Variants in RASSF2 observed in about 807,000 individuals in gnomAD.
RASSF2 encodes ras association domain-containing protein 2.
A neutral mutation model predicts 46.3 loss-of-function variants in RASSF2; 34 were observed. The observed-to-expected ratio is 0.73, with a 90% CI of 0.56 to 0.98. The LOEUF is 0.98. Ranked by LOEUF, RASSF2 falls within the 50% of genes least tolerant of loss-of-function variation. The pLI is 0.00. For synonymous variants in RASSF2, 158 were observed against 162.5 expected, an observed-to-expected ratio of 0.97 and a Z score of 0.21; for missense variants, 364 against 431.2, an observed-to-expected ratio of 0.84 and a Z score of 1.38.
intron 2 of RASSF2, among the ~76,000 whole-genome samples, chr20:4,807,124 G>A (rs1363720389): frequency 1.3e-5 from 2 of 152,184 alleles, no homozygotes; most frequent in East Asian, 3.8e-4. Flanking sequence ...GTAAGCAGCA[G>A]TTCTAAATAG....
chr20:4,794,451 C>G (rs932187457), intron 5 of RASSF2, among the ~76,000 whole-genome samples: 1 of 152,058 alleles, frequency 6.6e-6, no homozygotes, highest in Non-Finnish European at 1.5e-5. Flanking sequence ...CACCTGTAAT[C>G]CCAGCTACTC....
At chr20:4,805,313 C>T (rs896914466) in intron 2 of RASSF2, among the ~76,000 whole-genome samples, 1 of 152,018 alleles carries the variant, frequency 6.6e-6, no homozygotes, top group African/African-American at 2.4e-5. Context: ...GAGAAGGCGA[C>T]GTGACAACTG....
intron 2 of RASSF2, among the ~76,000 whole-genome samples, chr20:4,821,077 A>C (rs1928658138): frequency 6.6e-6 from 1 of 152,090 alleles, no homozygotes; most frequent in Admixed American, 6.6e-5. Flanking sequence ...TAAGCAGCTC[A>C]CGTATGGAAC....
intron 2 of RASSF2, among the ~76,000 whole-genome samples, chr20:4,802,095 C>T (rs185954554): frequency 5.3e-5 from 8 of 151,760 alleles, no homozygotes; most frequent in East Asian, 1.9e-4. Context: ...TGGAGAGAAG[C>T]GATGTCACTT....
intron 3 of RASSF2, among the ~76,000 whole-genome samples, chr20:4,798,568 TAA>T (rs1926573843): frequency 6.6e-6 from 1 of 152,152 alleles, no homozygotes; most frequent in Non-Finnish European, 1.5e-5. Context: ...CTCATGCCTG[TAA>T]TCCCAGTACT....
At chr20:4,793,499 T>C (rs1483622983) in intron 5 of RASSF2, among the ~76,000 whole-genome samples, 1 of 152,184 alleles carries the variant, frequency 6.6e-6, no homozygotes, top group Non-Finnish European at 1.5e-5. Context: ...ATTTAACTCA[T>C]ATACTTCTGA....
chr20:4,816,870 G>A lies in RASSF2; in HGVS notation c.-33+5459C>T, dbSNP rs144296987. On this transcript the variant is annotated intron_variant, in intron 2 of 11. Transcript: ENST00000379400. Reference sequence around the variant, plus strand: ...TGTAATCCCAGCACTTTGGGAGGCCGAGGCGGGTGGATCACCTGAGGTCAG... The same window carrying A: ...TGTAATCCCAGCACTTTGGGAGGCCAAGGCGGGTGGATCACCTGAGGTCAG... Among the ~76,000 whole-genome samples the A allele has an allele frequency of 7.5e-4, 114 of 152,254 alleles. 2 individuals are homozygous for A. The highest frequency in any genetic ancestry group is 2.3e-3 in the African/African-American group (96 of 41,534).
At chr20:4,788,389 C>T in intron 8 of RASSF2, 121 bp from the exon 9 acceptor site, 1 of 830,042 alleles carries the variant, frequency 1.2e-6, no homozygotes, top group Non-Finnish European at 2.0e-6. Flanking sequence ...GAGGGGAGAG[C>T]TATTTATCTA....
At chr20:4,806,929 T>G (rs980515614) in intron 2 of RASSF2, among the ~76,000 whole-genome samples, 2 of 152,236 alleles carry the variant, frequency 1.3e-5, no homozygotes, top group African/African-American at 2.4e-5. Context: ...ATTTGGTAAT[T>G]TAGTTCTGCA....
chr20:4,800,379 A>C (rs963551669), intron 3 of RASSF2, among the ~76,000 whole-genome samples: 5 of 152,114 alleles, frequency 3.3e-5, no homozygotes, highest in Non-Finnish European at 7.4e-5. Context: ...CGGACCATAG[A>C]CTGGGTGGCT....
In RASSF2 at chr20:4,792,598, T is replaced by C. The variant is rs374943708; in HGVS notation, c.317A>G (p.Lys106Arg). 4.3e-6 allele frequency: 7 copies of C among 1,613,776 alleles called. No homozygotes were observed. The East Asian group carries it at 6.7e-5, about 15-fold the overall frequency. ...GTTLKPLTVP[K>R]VQISEVDAPP... ...GGCATCCACCTCTGAGATCTGAACT[T>C]TGGGCACAGTCAGGGGCTTCAGAGT... is the stretch of plus-strand genomic sequence containing the variant. Residue 106 changes from lysine to arginine, a missense_variant, in exon 6 of 12, where the codon AAA becomes AGA. Coordinates refer to ENST00000379400, the MANE Select transcript of RASSF2 (RefSeq NM_014737.3).
intron 8 of RASSF2, among the ~76,000 whole-genome samples, chr20:4,789,336 G>A (rs1357279119): frequency 6.6e-6 from 1 of 152,134 alleles, no homozygotes; most frequent in Non-Finnish European, 1.5e-5. Context: ...GTTAGACGGC[G>A]TCCCTGGCCT....
rs766138960 is a variant in RASSF2 at position 4,798,844 on chromosome 20, AC to A, written c.60-760del. On this transcript the variant is annotated intron_variant, in intron 3 of 11. Transcript: ENST00000379400. Reference sequence around the variant, plus strand: ...CCATCTCAAAAAAACAAACAAACAAACAAAAAAAAAAAAACTTGCAAACTCC... The same window carrying A: ...CCATCTCAAAAAAACAAACAAACAAAAAAAAAAAAAAAACTTGCAAACTCC... Among the ~76,000 whole-genome samples the A allele has an allele frequency of 7.5e-3, 843 of 112,186 alleles. 7 individuals are homozygous for A. The highest frequency in any genetic ancestry group is 0.028 in the African/African-American group (720 of 25,846). The allele number at this position is 112,186 out of a possible 152,430, so 73.6% of individuals were successfully genotyped here. A position where few individuals can be genotyped will look rare whatever the true frequency, so the allele number is the denominator to read the frequency against.
At chr20:4,808,182 G>A (rs886081262) in intron 2 of RASSF2, among the ~76,000 whole-genome samples, 3 of 152,166 alleles carry the variant, frequency 2.0e-5, no homozygotes, top group Admixed American at 6.5e-5. Context: ...GGATTCATTC[G>A]TTCAGCTGGC....
At chr20:4,785,126 A>T (rs1249493021) in intron 11 of RASSF2, among the ~76,000 whole-genome samples, 2 of 145,258 alleles carry the variant, frequency 1.4e-5, no homozygotes, top group African/African-American at 5.2e-5. Flanking sequence ...CCTGGCCAAC[A>T]TGGCAAAACC....
At chr20:4,798,154 T>G in intron 3 of RASSF2, 69 bp from the exon 4 acceptor site, 2 of 1,266,206 alleles carry the variant, frequency 1.6e-6, no homozygotes, top group Non-Finnish European at 2.2e-6. Flanking sequence ...TTGTTCCCTC[T>G]TTCTCTCACC....
chr20:4,815,291 A>T (rs1350418860), intron 2 of RASSF2, among the ~76,000 whole-genome samples: 1 of 152,140 alleles, frequency 6.6e-6, no homozygotes, highest in African/African-American at 2.4e-5. Context: ...CATGGCCCCG[A>T]CTGTACACAA....
chr20:4,789,786 G>A (rs1358054486), intron 7 of RASSF2, 89 bp from the exon 8 acceptor site: 5 of 1,119,588 alleles, frequency 4.5e-6, no homozygotes, highest in South Asian at 2.6e-5. Context: ...CAGTGACAAC[G>A]ATACTCAGAA....
chr20:4,795,800 T>C lies in RASSF2; in HGVS notation c.287+15A>G, dbSNP rs1926291803. On this transcript the variant is annotated intron_variant, in intron 5 of 11. Coordinates refer to ENST00000379400, the MANE Select transcript of RASSF2 (RefSeq NM_014737.3). The surrounding 1 kb of genome is among the most constrained non-coding windows in gnomAD (Gnocchi z 4.0). ...GCATCCCAGTCATCTCCCTGCCCCG[T>C]CTCTCCTCACTCACCCCTGAGCCCC... is the stretch of plus-strand genomic sequence containing the variant. The C allele has an allele frequency of 6.2e-7, 1 of 1,603,398 alleles. No homozygotes were observed. The highest frequency in any genetic ancestry group is 8.5e-7 in the Non-Finnish European group (1 of 1,173,984).
Sources: gnomAD v4.1 joint callset for allele counts (sites outside exome capture counted in the v4.1 genomes callset) on GRCh38, gnomAD v4.1.1 for gene constraint, Gnocchi (gnomAD v3.1) non-coding constraint, MANE v1.5 for transcripts, NCBI Gene and HGNC (gene_info 2026-07-23, HGNC 2026-07-21) for gene names.